The following GABRG3 variants were observed in gnomAD, a reference collection of about 807,000 sequenced individuals.
GABRG3 encodes the protein gamma-aminobutyric acid receptor subunit gamma-3.
A neutral mutation model predicts 48.8 loss-of-function variants in GABRG3; 25 were observed. The observed-to-expected ratio is 0.51, with a 90% CI of 0.37 to 0.72. The LOEUF is 0.72. Among genes scored for constraint, GABRG3 ranks in the 30% least tolerant of loss-of-function variants. The probability of loss-of-function intolerance (pLI) is 0.00; values close to 1 mark genes in which losing one functional copy is unlikely to be tolerated. For synonymous variants in GABRG3, 227 were observed against 217.6 expected (o/e 1.04, Z -0.38); for missense variants, 394 against 577.9 (o/e 0.68, Z 3.26).
rs1003359513 is a variant in GABRG3, at chr15:26,975,473, T to C, written c.54-1529T>C. On this transcript the variant is annotated intron_variant, in intron 1 of 9. Transcript: ENST00000615808. The surrounding 1 kb of genome is among the most constrained non-coding windows in gnomAD (Gnocchi z 4.6). ...GTCATTCTTTGAGACATATGCCGTATACTCATTGTCAACATCTCTCATTTA... is the reference window on the plus strand; with the variant it reads ...GTCATTCTTTGAGACATATGCCGTACACTCATTGTCAACATCTCTCATTTA... Among the ~76,000 whole-genome samples, 1 of 152,192 alleles carries C rather than the reference T, an allele frequency of 6.6e-6. No homozygotes were observed. The highest frequency in any genetic ancestry group is 6.5e-5 in the Admixed American group (1 of 15,282).
At chr15:27,448,037 AG>A (rs1168279389) in intron 5 of GABRG3, among the ~76,000 whole-genome samples, 1 of 152,194 alleles carries the variant, frequency 6.6e-6, no homozygotes, top group Non-Finnish European at 1.5e-5. Flanking sequence ...ATAAAAACAA[AG>A]CTAGGTCTCT....
chr15:27,083,425 C>G (rs927316948), intron 3 of GABRG3, among the ~76,000 whole-genome samples: 1 of 151,718 alleles, frequency 6.6e-6, no homozygotes, highest in Non-Finnish European at 1.5e-5. Context: ...CTCCGCCACC[C>G]GGATTCAAGC....
chr15:27,506,109 A>G (rs1890753583), intron 6 of GABRG3, among the ~76,000 whole-genome samples: 1 of 152,054 alleles, frequency 6.6e-6, no homozygotes, highest in East Asian at 1.9e-4. Flanking sequence ...GATATTGGTA[A>G]TTTGTGTCTT....
At chr15:27,238,318 G>A (rs541835159) in intron 3 of GABRG3, among the ~76,000 whole-genome samples, 2 of 152,322 alleles carry the variant, frequency 1.3e-5, no homozygotes, top group Non-Finnish European at 1.5e-5. Flanking sequence ...AACGCCCACC[G>A]GCCAGAGGAG....
intron 3 of GABRG3, among the ~76,000 whole-genome samples, chr15:27,325,104 G>T (rs983703714): frequency 1.5e-5 from 2 of 129,104 alleles, no homozygotes; most frequent in East Asian, 4.2e-4. Context: ...AATGCTACCT[G>T]CTTTCGTTTC....
At chr15:27,110,605 CTT>C (rs1308600993) in intron 3 of GABRG3, among the ~76,000 whole-genome samples, 1 of 150,688 alleles carries the variant, frequency 6.6e-6, no homozygotes, top group Non-Finnish European at 1.5e-5. Context: ...CTGAGGAAGT[CTT>C]TATTTCTCTT....
chr15:27,152,929 C>T (rs372734695), intron 3 of GABRG3, among the ~76,000 whole-genome samples: 107 of 150,022 alleles, frequency 7.1e-4, no homozygotes, highest in Middle Eastern at 3.4e-3. Context: ...GGCGCGATCT[C>T]GGCTCACTGC....
intron 3 of GABRG3, among the ~76,000 whole-genome samples, chr15:27,044,849 C>T (rs921509003): frequency 6.6e-5 from 10 of 152,208 alleles, no homozygotes; most frequent in Admixed American, 2.6e-4. Flanking sequence ...AGCTTGGCGG[C>T]TGTGATTGGC....
chr15:27,533,092 G>C lies in GABRG3; in HGVS notation c.*211G>C, dbSNP rs1055632460. Reference sequence around the variant, plus strand: ...CATACATACACACACACAGCTAATTGAGTTTTAAAGTAATATTCTTGCTAA... The same window carrying C: ...CATACATACACACACACAGCTAATTCAGTTTTAAAGTAATATTCTTGCTAA... On this transcript the variant is annotated 3_prime_UTR_variant, in exon 10 of 10. Coordinates refer to ENST00000615808, the MANE Select transcript of GABRG3 (RefSeq NM_033223.5). 1.9e-6 allele frequency: 1 copy of C among 518,714 alleles called. No individual in the cohort carries two copies. The highest frequency in any genetic ancestry group is 1.9e-5 in the African/African-American group (1 of 52,532). The allele number at this position is 518,714 out of a possible 1,614,324, so 32.1% of individuals were successfully genotyped here. A position where few individuals can be genotyped will look rare whatever the true frequency, so the allele number is the denominator to read the frequency against.
chr15:27,316,312 C>T (rs1421170767), intron 3 of GABRG3, among the ~76,000 whole-genome samples: 2 of 140,212 alleles, frequency 1.4e-5, no homozygotes, highest in Admixed American at 7.6e-5. Flanking sequence ...GGCGTGAACC[C>T]GGGAGGCAGA....
intron 5 of GABRG3, among the ~76,000 whole-genome samples, chr15:27,432,215 T>C (rs569909084): frequency 3.3e-5 from 5 of 152,334 alleles, no homozygotes; most frequent in African/African-American, 1.2e-4. Flanking sequence ...TTTGACAGTA[T>C]AGTATATACA....
At chr15:27,404,446 C>G (rs1260896846) in intron 5 of GABRG3, among the ~76,000 whole-genome samples, 1 of 152,156 alleles carries the variant, frequency 6.6e-6, no homozygotes, top group Non-Finnish European at 1.5e-5. Context: ...GCTCTTTGCT[C>G]TCTGACCTCT....
intron 3 of GABRG3, among the ~76,000 whole-genome samples, chr15:27,211,660 C>T (rs1335041770): frequency 6.6e-6 from 1 of 152,114 alleles, no homozygotes; most frequent in African/African-American, 2.4e-5. Context: ...CTAGACTAGC[C>T]TGCTAACCAC....
chr15:27,050,707 T>G (rs556668046), intron 3 of GABRG3, among the ~76,000 whole-genome samples: 1 of 152,218 alleles, frequency 6.6e-6, no homozygotes, highest in East Asian at 1.9e-4. Flanking sequence ...AATAAGTTAT[T>G]TTTATAAACT....
intron 3 of GABRG3, among the ~76,000 whole-genome samples, chr15:27,281,387 C>G (rs1487299541): frequency 2.6e-5 from 4 of 151,684 alleles, no homozygotes; most frequent in Admixed American, 6.6e-5. Context: ...AAATAGACTT[C>G]ATCTTTTCAG....
chr15:27,196,608 A>G (rs761393589), intron 3 of GABRG3, among the ~76,000 whole-genome samples: 2 of 152,240 alleles, frequency 1.3e-5, no homozygotes, highest in Non-Finnish European at 2.9e-5. Flanking sequence ...AGACCTTATT[A>G]TGTAATTTAA....
In GABRG3 at chr15:26,974,774, A is replaced by G. The variant is rs938315452; in HGVS notation, c.54-2228A>G. 2.0e-5 allele frequency among the ~76,000 whole-genome samples: 3 copies of G among 151,984 alleles called. No individual in the cohort carries two copies. The highest frequency in any genetic ancestry group is 4.4e-5 in the Non-Finnish European group (3 of 68,004). On this transcript the variant is annotated intron_variant, in intron 1 of 9. Coordinates refer to ENST00000615808, the MANE Select transcript of GABRG3 (RefSeq NM_033223.5). The surrounding 1 kb of genome is among the most constrained non-coding windows in gnomAD (Gnocchi z 4.3). ...CTTCAACCTGCTCTTTAAGTTTTAA[A>G]AAATTTTTGCAAGATGATAAAATTA...
chr15:27,323,573 A>G (rs771775998), intron 3 of GABRG3, among the ~76,000 whole-genome samples: 14 of 152,194 alleles, frequency 9.2e-5, no homozygotes, highest in South Asian at 2.1e-4. Context: ...CCTATTACAC[A>G]TTTTAGTCAG....
chr15:27,133,111 T>A (rs867907236), intron 3 of GABRG3, among the ~76,000 whole-genome samples: 1 of 152,162 alleles, frequency 6.6e-6, no homozygotes, highest in Non-Finnish European at 1.5e-5. Flanking sequence ...TGTGATTTTT[T>A]AAGTTTTTTT....
Sources: allele counts gnomAD v4.1 joint callset (sites outside exome capture counted in the v4.1 genomes callset), GRCh38; gene constraint gnomAD v4.1.1; non-coding constraint Gnocchi (gnomAD v3.1); transcripts MANE v1.5; gene names NCBI Gene and HGNC (gene_info 2026-07-23, HGNC 2026-07-21).